HTATSF1: variants seen among roughly 807,000 people sequenced by gnomAD.
The protein encoded by HTATSF1 is 17S U2 SnRNP complex component HTATSF1.
In HTATSF1, 6 loss-of-function variants were observed where a neutral mutation model predicts 46.1. The ratio of observed to expected loss-of-function variants is 0.13; its 90% CI spans 0.07 to 0.26. The LOEUF is 0.26. Ranked by LOEUF, HTATSF1 falls within the 10% of genes least tolerant of loss-of-function variation. The pLI is 1.00. For missense variants in HTATSF1, 452 were observed against 559.9 expected (o/e 0.81, Z 1.94); for synonymous variants, 226 against 211.5 (o/e 1.07, Z -0.60).
chrX:136,498,948 C>T (rs938172922), intron 1 of HTATSF1, among the ~76,000 whole-genome samples: 9 of 112,960 alleles, frequency 8.0e-5, no homozygotes, highest in Non-Finnish European at 1.9e-5. Context: ...TTTGCAATAA[C>T]GCTTTTCCCC....
rs746475478 is a variant in HTATSF1, at chrX:136,509,143, C to T, written c.887C>T (p.Ser296Leu). The T allele has an allele frequency of 1.7e-6, 2 of 1,206,959 alleles. No homozygotes were observed. Among genetic ancestry groups the T allele is most frequent in the Non-Finnish European group, 2.2e-6 (2 of 891,515 alleles). ...AGAGAAGACCTTCGAGTAGAGTGTT[C>T]GAAGTTTGGACAAATTAGGAAACTC... is the stretch of plus-strand genomic sequence containing the variant. Reference protein sequence around the residue: ...EIREDLRVECSKFGQIRKLLL... With the variant: ...EIREDLRVECLKFGQIRKLLL... The change falls in exon 7 of 9, where the codon TCG becomes TTG. Residue 296 changes from serine to leucine, a missense_variant. Transcript: ENST00000218364.
intron 1 of HTATSF1, among the ~76,000 whole-genome samples, chrX:136,498,560 A>G (rs745993451): frequency 6.2e-5 from 7 of 112,665 alleles, no homozygotes; most frequent in Non-Finnish European, 1.3e-4. Flanking sequence ...TGAGCAGGAA[A>G]GGGCACACTA....
At chrX:136,506,918 A>T (rs190355087) in intron 6 of HTATSF1, among the ~76,000 whole-genome samples, 1 of 112,695 alleles carries the variant, frequency 8.9e-6, no homozygotes, top group East Asian at 2.8e-4. Flanking sequence ...AAATGAAATA[A>T]AATTCAGTTC....
Position 136,502,597 on chromosome X carries a change from C to A in HTATSF1, c.571-181C>A, listed in dbSNP as rs748517636. On this transcript the variant is annotated intron_variant, in intron 4 of 8. Transcript: ENST00000218364. ...GTTAGGGACAGCTGTGTCTCAGATGCGGGTTTCCTGGTTCAGATTCTAGAG... is the reference window on the plus strand; with the variant it reads ...GTTAGGGACAGCTGTGTCTCAGATGAGGGTTTCCTGGTTCAGATTCTAGAG... Among the ~76,000 whole-genome samples the A allele has an allele frequency of 6.3e-5, 7 of 110,998 alleles. No homozygotes were observed. In the South Asian group the frequency reaches 2.7e-3, roughly 42 times the overall value.
rs1208239002 is a variant in HTATSF1, at chrX:136,499,685, G to T, written c.274G>T (p.Val92Phe). Residue 92 changes from valine (V) to phenylalanine (F), a missense_variant, in exon 2 of 9, where the codon GTC becomes TTC. Physicochemically the swap from Val to Phe is conservative, Grantham distance 50. Around this residue, in one of 3 missense-constraint regions of HTATSF1, gnomAD observed 89 missense variants for 92.3 expected, o/e 0.96. Transcript: ENST00000218364. Reference protein sequence around the residue: ...ASSSTANVEDVHARTAEEPPQ... With the variant: ...ASSSTANVEDFHARTAEEPPQ... ...TAGTTCTACCGCAAATGTTGAAGATGTCCATGCTAGGACTGCAGAGGAACC... is the reference window on the plus strand; with the variant it reads ...TAGTTCTACCGCAAATGTTGAAGATTTCCATGCTAGGACTGCAGAGGAACC... The T allele has an allele frequency of 8.3e-7, 1 of 1,200,357 alleles. No individual in the cohort carries two copies. Among genetic ancestry groups the T allele is most frequent in the African/African-American group, 1.8e-5 (1 of 56,738 alleles).
rs149350146 is a variant in HTATSF1 at position 136,511,163 on chromosome X, A to G, written c.1418A>G (p.Lys473Arg). Residue 473 changes from lysine (K) to arginine (R), a missense_variant, in exon 9 of 9, where the codon AAA becomes AGA. Coordinates refer to ENST00000218364, the MANE Select transcript of HTATSF1 (RefSeq NM_014500.5). ...AAAGAATCTGAAGAGGGCTGCCCCA[A>G]AAGAGGGTTTGAAGGCAGCTGCTCC... is the stretch of plus-strand genomic sequence containing the variant. ...PEKESEEGCP[K>R]RGFEGSCSQK... 6.1e-4 allele frequency: 735 copies of G among 1,205,578 alleles called. No individual in the cohort carries two copies. Among genetic ancestry groups the G allele is most frequent in the Admixed American group, 1.2e-3 (54 of 44,685 alleles).
Position 136,511,603 on chromosome X carries a change from T to C in HTATSF1, c.1858T>C (p.Phe620Leu), listed in dbSNP as rs770671099. Reference protein sequence around the residue: ...VLDEEGSEREFDEDSDEKEEE... With the variant: ...VLDEEGSERELDEDSDEKEEE... ...AGATGAGGAAGGCTCTGAGAGAGAG[T>C]TTGACGAAGATTCAGATGAAAAGGA... Residue 620 changes from phenylalanine (F) to leucine (L), a missense_variant, in exon 9 of 9, where the codon TTT (phenylalanine) becomes CTT (leucine). Transcript: ENST00000218364. The C allele has an allele frequency of 2.5e-6, 3 of 1,207,735 alleles. No homozygotes were observed. Among genetic ancestry groups the C allele is most frequent in the Non-Finnish European group, 3.4e-6 (3 of 894,260 alleles).
Position 136,511,646 on chromosome X carries a change from A to G in HTATSF1, c.1901A>G (p.Tyr634Cys), listed in dbSNP as rs1603306833. The G allele has an allele frequency of 3.3e-6, 4 of 1,211,080 alleles. No homozygotes were observed. The highest frequency in any genetic ancestry group is 4.5e-6 in the Non-Finnish European group (4 of 895,120). Reference sequence around the variant, plus strand: ...GAAAAGGAAGAAGAGGAGGATACATATGAAAAAGTATTTGATGATGAGTCT... The same window carrying G: ...GAAAAGGAAGAAGAGGAGGATACATGTGAAAAAGTATTTGATGATGAGTCT... The part of the protein sequence containing the change: ...SDEKEEEEDT[Y>C]EKVFDDESDE... Residue 634 changes from tyrosine to cysteine, a missense_variant, in exon 9 of 9, where the codon TAT (tyrosine) becomes TGT (cysteine). Physicochemically the swap from Tyr to Cys is radical, Grantham distance 194. Transcript: ENST00000218364.
intron 6 of HTATSF1, among the ~76,000 whole-genome samples, chrX:136,506,984 T>C (rs780424747): frequency 8.9e-6 from 1 of 112,643 alleles, no homozygotes; most frequent in African/African-American, 3.2e-5. Flanking sequence ...AATGCAGATA[T>C]ACAACATTTT....
At position 136,502,949 on chromosome X, in the gene HTATSF1, A is replaced by T. The variant is rs1428872550; in HGVS notation, c.734+8A>T. 1 of 1,090,765 alleles carries T rather than the reference A, an allele frequency of 9.2e-7. No individual in the cohort carries two copies. Among genetic ancestry groups the T allele is most frequent in the South Asian group, 2.6e-5 (1 of 38,456 alleles). The allele number at this position is 1,090,765 out of a possible 1,213,427, so 89.9% of individuals were successfully genotyped here. A position where few individuals can be genotyped will look rare whatever the true frequency, so the allele number is the denominator to read the frequency against. ...GCTGTCTATGCAACAAAAGTTTGTA[A>T]TTTTTTTCCCTTTTGAAAGGTTCCA... is the stretch of plus-strand genomic sequence containing the variant. On this transcript the variant is annotated splice_region_variant and intron_variant, in intron 5 of 8. Coordinates refer to ENST00000218364, the MANE Select transcript of HTATSF1 (RefSeq NM_014500.5).
At chrX:136,499,450 A>G in intron 1 of HTATSF1, 148 bp from the exon 2 acceptor site, 3 of 394,701 alleles carry the variant, frequency 7.6e-6, no homozygotes, top group Non-Finnish European at 1.3e-5. Context: ...CTATTCTTGC[A>G]TTTATACCTT....
At chrX:136,498,778 C>G (rs2075704039) in intron 1 of HTATSF1, among the ~76,000 whole-genome samples, 1 of 112,700 alleles carries the variant, frequency 8.9e-6, no homozygotes, top group African/African-American at 3.2e-5. Context: ...CTTCAGCATT[C>G]TGAATACTTT....
chrX:136,497,430 A>T, upstream of HTATSF1: 1 of 126,778 alleles, frequency 7.9e-6, no homozygotes, highest in Admixed American at 9.0e-5. Context: ...GGCCCGGCGG[A>T]GCAAGCCAGG....
At chrX:136,504,511 C>T (rs1165007799) in intron 6 of HTATSF1, 48 bp downstream of exon 6, 3 of 986,590 alleles carry the variant, frequency 3.0e-6, no homozygotes, top group Non-Finnish European at 4.3e-6. Flanking sequence ...GGCTTTTTTT[C>T]TCTCAAGGGA....
intron 1 of HTATSF1, 78 bp from the exon 2 acceptor site, chrX:136,499,520 A>G: frequency 1.2e-6 from 1 of 813,636 alleles, no homozygotes; most frequent in Non-Finnish European, 1.7e-6. Context: ...ACTATGCTGT[A>G]AAAACACAAT....
intron 4 of HTATSF1, among the ~76,000 whole-genome samples, chrX:136,501,332 A>G (rs921404047): frequency 8.9e-6 from 1 of 112,550 alleles, no homozygotes; most frequent in African/African-American, 3.2e-5. Context: ...TACAAAGCCT[A>G]AAATATTTAC....
At chrX:136,497,555 A>C (rs1478281944), upstream of HTATSF1, 4 of 473,036 alleles carry the variant, frequency 8.5e-6, no homozygotes, top group Non-Finnish European at 1.3e-5. Context: ...GCTGGGGCGC[A>C]GCGGGGAGGC....
chrX:136,497,781 G>C lies in HTATSF1; in HGVS notation c.97G>C (p.Asp33His), dbSNP rs2075698942. The change falls in exon 1 of 9, where the codon GAT (aspartate) becomes CAT (histidine). Residue 33 changes from aspartate to histidine, a missense_variant. By Grantham distance (81) the Asp-to-His change is moderately conservative. This residue lies in a region of HTATSF1 where 89 missense variants were observed against 92.3 expected (regional missense o/e 0.96). Transcript: ENST00000218364. ...CGGCAAGGATGGTGACACCCAGACC[G>C]ATGCCGGCGGAGAACCCGATTCTCT... is the stretch of plus-strand genomic sequence containing the variant. ...GDGKDGDTQT[D>H]AGGEPDSLGQ... is the part of the protein sequence containing the mutation. 1 of 1,202,406 alleles carries C rather than the reference G, an allele frequency of 8.3e-7. No individual in the cohort carries two copies. The highest frequency in any genetic ancestry group is 1.1e-6 in the Non-Finnish European group (1 of 889,416).
intron 1 of HTATSF1, 132 bp from the exon 2 acceptor site, chrX:136,499,466 C>A: frequency 4.4e-6 from 2 of 450,838 alleles, no homozygotes; most frequent in Non-Finnish European, 7.2e-6. Flanking sequence ...ACCTTAATAA[C>A]TACAACTATT....
Sources: allele counts gnomAD v4.1 joint callset (sites outside exome capture counted in the v4.1 genomes callset), GRCh38; gene constraint gnomAD v4.1.1; regional missense constraint gnomAD v4.1.1; transcripts MANE v1.5; gene names NCBI Gene and HGNC (gene_info 2026-07-23, HGNC 2026-07-21).